C12orf56: variants seen among roughly 807,000 people sequenced by gnomAD.
The protein encoded by C12orf56 is chromosome 12 open reading frame 56, also known as uncharacterized protein C12orf56.
Under a neutral mutation model 69.9 loss-of-function variants are expected in C12orf56, and 71 were observed. That is an observed-to-expected ratio of 1.02 (90% CI 0.84 to 1.24). The LOEUF (loss-of-function observed/expected upper bound fraction) is 1.24, where lower values mean the gene tolerates loss of function less well. Ranked by LOEUF, C12orf56 falls within the 50% of genes most tolerant of loss-of-function variation. The pLI is 0.00. For missense variants in C12orf56, 732 were observed against 738.5 expected (o/e 0.99, Z 0.10); for synonymous variants, 276 against 274.1 (o/e 1.01, Z -0.07).
chr12:64,275,251 TTA>T (rs1014719043), intron 10 of C12orf56, 45 bp downstream of exon 10: 2 of 897,908 alleles, frequency 2.2e-6, no homozygotes, highest in Non-Finnish European at 3.3e-6. Context: ...GTCATGTAAT[TTA>T]TAGTTACATA....
At chr12:64,352,106 T>G (rs144805192) in intron 2 of C12orf56, among the ~76,000 whole-genome samples, 61,206 of 150,606 alleles carry the variant, frequency 0.41, 13,031 homozygotes, top group Admixed American at 0.55. Flanking sequence ...TTTGTTTTTT[T>G]TTTTTTTTTG....
chr12:64,358,005 G>T (rs1381192266), intron 1 of C12orf56, among the ~76,000 whole-genome samples: 1 of 152,178 alleles, frequency 6.6e-6, no homozygotes, highest in Non-Finnish European at 1.5e-5. Context: ...TTACATTGAT[G>T]GTTGTCACAC....
At chr12:64,376,911 T>C (rs571364289) in intron 1 of C12orf56, among the ~76,000 whole-genome samples, 2 of 151,930 alleles carry the variant, frequency 1.3e-5, no homozygotes, top group East Asian at 3.9e-4. Context: ...CAGGTAGTTC[T>C]GCCTCTAGGT....
intron 1 of C12orf56, among the ~76,000 whole-genome samples, chr12:64,370,059 G>A (rs1452244519): frequency 2.0e-5 from 3 of 151,288 alleles, no homozygotes; most frequent in Non-Finnish European, 4.4e-5. Context: ...CAGGCATGGT[G>A]GCTGAAATTA....
chr12:64,267,417 C>T (rs1308105378), intron 12 of C12orf56, 129 bp from the exon 13 acceptor site: 1 of 703,380 alleles, frequency 1.4e-6, no homozygotes, highest in Non-Finnish European at 2.4e-6. Context: ...AAGACTTGGT[C>T]AGCATTTTCA....
intron 5 of C12orf56, among the ~76,000 whole-genome samples, chr12:64,308,940 G>GAAAGAAAGAAAGAAAGAAAGAAGA (rs35488127): frequency 2.5e-5 from 2 of 80,870 alleles, no homozygotes; most frequent in Non-Finnish European, 5.0e-5. Context: ...AAGAAAGAAA[G>GAAAGAAAGAAAGAAAGAAAGAAGA]AAGAAAGAAA....
chr12:64,339,762 C>T (rs905537204), intron 2 of C12orf56, among the ~76,000 whole-genome samples: 1 of 134,358 alleles, frequency 7.4e-6, no homozygotes, highest in Non-Finnish European at 1.6e-5. Flanking sequence ...AGGGTTTTGC[C>T]ATGTTTCCCA....
chr12:64,352,839 T>C, intron 2 of C12orf56, 55 bp downstream of exon 2: 1 of 1,422,202 alleles, frequency 7.0e-7, no homozygotes, highest in Non-Finnish European at 9.3e-7. Context: ...TTAAGAAATA[T>C]ATATATATAC....
rs2037921640 is a variant in C12orf56 at position 64,266,565 on chromosome 12, G to C, written c.*618C>G. 3.1e-6 allele frequency: 1 copy of C among 326,124 alleles called. No individual in the cohort carries two copies. The allele number at this position is 326,124 out of a possible 1,614,324, so 20.2% of individuals were successfully genotyped here. ...GGCGTGGATGCGCCAGGCCCTGCTG[G>C]TGGTGGACATAGTGGACTCCAAGAA... On this transcript the variant is annotated 3_prime_UTR_variant, in exon 13 of 13. Coordinates refer to ENST00000543942, the MANE Select transcript of C12orf56 (RefSeq NM_001170633.2).
In C12orf56 at chr12:64,318,767, G is replaced by A. The variant is rs2038725511; in HGVS notation, c.702C>T (p.Asn234=). ...ACTTGAAAGGAATTTCACTTATGGA[G>A]TTGTGATCTGGAAGTCCCTGGGGTT... ...TKEPQGLPDH[N]SISEIPFKCN... Residue 234 remains asparagine, a synonymous_variant, in exon 4 of 13, where the codon AAC becomes AAT. Coordinates refer to ENST00000543942, the MANE Select transcript of C12orf56 (RefSeq NM_001170633.2). 1 of 1,432,166 alleles carries A rather than the reference G, an allele frequency of 7.0e-7. No homozygotes were observed. Among genetic ancestry groups the A allele is most frequent in the Non-Finnish European group, 9.1e-7 (1 of 1,103,020 alleles). 88.7% of individuals were successfully genotyped at this position (1,432,166 alleles called of 1,614,324 possible). A position where few individuals can be genotyped will look rare whatever the true frequency, so the allele number is the denominator to read the frequency against.
At position 64,354,543 on chromosome 12, in the gene C12orf56, C is replaced by T. The variant is rs533698341; in HGVS notation, c.253-1487G>A. Among the ~76,000 whole-genome samples the T allele has an allele frequency of 9.2e-5, 14 of 152,108 alleles. No individual in the cohort carries two copies. In the East Asian group the frequency reaches 2.7e-3, roughly 30 times the overall value. The stretch of plus-strand genomic sequence containing the variant: ...CATGATCTCAGCTCACTGCAACCTT[C>T]GCCTCCCAGGTACAAGCGATTCTCC... On this transcript the variant is annotated intron_variant, in intron 1 of 12. Transcript: ENST00000543942.
In C12orf56 at chr12:64,353,060, G is replaced by A. The variant is rs767822303; in HGVS notation, c.253-4C>T. 9 of 1,602,896 alleles carry A rather than the reference G, an allele frequency of 5.6e-6. No homozygotes were observed. The East Asian group carries it at 1.1e-4, about 20-fold the overall frequency. On this transcript the variant is annotated splice_region_variant and splice_polypyrimidine_tract_variant and intron_variant, in intron 1 of 12. Transcript: ENST00000543942. ...AAAATTCCGGGTAATCATCAATCTG[G>A]AAAAAAAATTAATTCACCTCATTGA...
At chr12:64,351,942 G>A (rs1248027950) in intron 2 of C12orf56, among the ~76,000 whole-genome samples, 3 of 151,182 alleles carry the variant, frequency 2.0e-5, no homozygotes, top group African/African-American at 4.9e-5. Flanking sequence ...TTGTATCTCT[G>A]TACTACAGGA....
In C12orf56 at chr12:64,353,050, C is replaced by T. The variant is rs770727701; in HGVS notation, c.259G>A (p.Asp87Asn). The T allele has an allele frequency of 1.9e-6, 3 of 1,609,950 alleles. No homozygotes were observed. The South Asian group carries it at 3.3e-5, about 18-fold the overall frequency. Residue 87 changes from aspartate to asparagine, a missense_variant, in exon 2 of 13, where the codon GAT (aspartate) becomes AAT (asparagine). Physicochemically the swap from Asp to Asn is conservative, Grantham distance 23. Coordinates refer to ENST00000543942, the MANE Select transcript of C12orf56 (RefSeq NM_001170633.2). ...GGCGAACTCAAAAATTCCGGGTAAT[C>T]ATCAATCTGGAAAAAAAATTAATTC... ...RDVVAIDLIDDYPEFLSSPDR... is the reference protein window; with the variant it reads ...RDVVAIDLIDNYPEFLSSPDR...
chr12:64,329,978 A>C (rs891648811), intron 3 of C12orf56, among the ~76,000 whole-genome samples: 1 of 152,042 alleles, frequency 6.6e-6, no homozygotes, highest in African/African-American at 2.4e-5. Context: ...ATAATGCTGC[A>C]ATAAACATAC....
At chr12:64,386,905 CCT>C (rs2039798939) in intron 1 of C12orf56, among the ~76,000 whole-genome samples, 1 of 141,676 alleles carries the variant, frequency 7.1e-6, no homozygotes, top group South Asian at 2.3e-4. Flanking sequence ...ATGGCGACAC[CCT>C]GTCTCTACTA....
At chr12:64,347,049 C>T (rs1320593564) in intron 2 of C12orf56, among the ~76,000 whole-genome samples, 6 of 151,880 alleles carry the variant, frequency 4.0e-5, no homozygotes, top group Non-Finnish European at 1.5e-5. Context: ...GATCTCAGCT[C>T]ACTGCAGCCT....
chr12:64,271,340 C>T (rs4763143), intron 11 of C12orf56, among the ~76,000 whole-genome samples: 106,619 of 151,660 alleles, frequency 0.7, 38,651 homozygotes, highest in Non-Finnish European at 0.8. Flanking sequence ...TGTCACATGT[C>T]TGTAATCCCA....
intron 1 of C12orf56, among the ~76,000 whole-genome samples, chr12:64,382,656 C>A (rs2039734731): frequency 6.6e-6 from 1 of 151,892 alleles, no homozygotes; most frequent in Non-Finnish European, 1.5e-5. Context: ...GGGTGGATCA[C>A]AAGGTCAGGA....
Sources: allele counts gnomAD v4.1 joint callset (sites outside exome capture counted in the v4.1 genomes callset), GRCh38; gene constraint gnomAD v4.1.1; transcripts MANE v1.5; gene names NCBI Gene and HGNC (gene_info 2026-07-23, HGNC 2026-07-21).